The following NXPE1 variants were observed in gnomAD, a reference collection of about 807,000 sequenced individuals.
NXPE1 encodes the protein neurexophilin and PC-esterase domain family member 1.
A neutral mutation model predicts 33.3 loss-of-function variants in NXPE1; 31 were observed. The observed-to-expected ratio is 0.93, with a 90% CI of 0.70 to 1.26. The LOEUF is 1.26. NXPE1 is among the 50% of genes most tolerant of loss of function. NXPE1 has a pLI of 0.00. For missense variants in NXPE1, 661 were observed against 655.6 expected (o/e 1.01, Z -0.09); for synonymous variants, 229 against 231.4 (o/e 0.99, Z 0.09).
At chr11:114,556,431 G>A (rs771325025) in intron 1 of NXPE1, among the ~76,000 whole-genome samples, 25 of 152,090 alleles carry the variant, frequency 1.6e-4, no homozygotes, top group Non-Finnish European at 3.5e-4. Context: ...AGATTTCAGG[G>A]CTTTTTCTTC....
chr11:114,535,062 A>T (rs1236885528), intron 5 of NXPE1, among the ~76,000 whole-genome samples: 1 of 152,242 alleles, frequency 6.6e-6, no homozygotes, highest in African/African-American at 2.4e-5. Flanking sequence ...AGGGAAGCCC[A>T]TCAGACTAAC....
chr11:114,559,539 T>G (rs1948729713), intron 1 of NXPE1, among the ~76,000 whole-genome samples: 1 of 152,180 alleles, frequency 6.6e-6, no homozygotes, highest in African/African-American at 2.4e-5. Flanking sequence ...ATTAGAGAAA[T>G]ATTTTATCTT....
intron 1 of NXPE1, 41 bp downstream of exon 1, chr11:114,559,757 A>T (rs1948735977): frequency 6.6e-6 from 1 of 152,314 alleles, no homozygotes; most frequent in Admixed American, 6.6e-5. Flanking sequence ...TGGCAAGATT[A>T]GAAATAGAGA....
rs189831662 is a variant in NXPE1, at chr11:114,524,283, A to C, written c.896-1192T>G. ...ATGGGTCTAGCCACAACTGGTTTCT[A>C]TTACTAAAGAAGGAGAAGGCAGTGA... is the stretch of plus-strand genomic sequence containing the variant. On this transcript the variant is annotated intron_variant, in intron 7 of 8. Coordinates refer to ENST00000534921, the Ensembl canonical transcript of NXPE1. 1.4e-4 allele frequency among the ~76,000 whole-genome samples: 21 copies of C among 152,246 alleles called. No homozygotes were observed. The East Asian group carries it at 4.1e-3, about 29-fold the overall frequency.
At chr11:114,558,249 GTTTTTC>G (rs1397617943) in intron 1 of NXPE1, among the ~76,000 whole-genome samples, 2 of 151,882 alleles carry the variant, frequency 1.3e-5, no homozygotes, top group East Asian at 1.9e-4. Flanking sequence ...CATTCTATAT[GTTTTTC>G]TTTTTATTTC....
intron 5 of NXPE1, among the ~76,000 whole-genome samples, chr11:114,541,877 G>C (rs1948109935): frequency 2.0e-5 from 3 of 152,118 alleles, no homozygotes; most frequent in Admixed American, 2.0e-4. Context: ...ATGCTAAACT[G>C]CCTCCCTGCT....
intron 7 of NXPE1, among the ~76,000 whole-genome samples, chr11:114,523,631 T>G (rs1947282783): frequency 6.6e-6 from 1 of 152,170 alleles, no homozygotes. Context: ...ACATGCAACA[T>G]CCAATACAAA....
intron 7 of NXPE1, 46 bp downstream of exon 7, chr11:114,527,794 A>G: frequency 7.2e-7 from 1 of 1,394,562 alleles, no homozygotes; most frequent in Non-Finnish European, 9.9e-7. Flanking sequence ...AATGCTGATA[A>G]AAGTTTCCTC....
intron 1 of NXPE1, among the ~76,000 whole-genome samples, chr11:114,558,634 A>G (rs941045954): frequency 4.6e-5 from 7 of 152,194 alleles, no homozygotes; most frequent in Admixed American, 4.6e-4. Flanking sequence ...ACATTCGTAT[A>G]TTTTCTAAAG....
At chr11:114,522,954 T>C in exon 8 of NXPE1, 1 of 1,613,654 alleles carries the variant, frequency 6.2e-7, no homozygotes, top group African/African-American at 1.3e-5. Context: ...AGTTTGCCTT[T>C]CAAACAGCCA....
intron 5 of NXPE1, among the ~76,000 whole-genome samples, chr11:114,550,049 A>T (rs1349273290): frequency 6.6e-6 from 1 of 152,132 alleles, no homozygotes; most frequent in African/African-American, 2.4e-5. Flanking sequence ...CTCACAAAAC[A>T]CTACTGAAGA....
chr11:114,537,534 A>G (rs1947880596), intron 5 of NXPE1, among the ~76,000 whole-genome samples: 1 of 152,198 alleles, frequency 6.6e-6, no homozygotes, highest in Non-Finnish European at 1.5e-5. Flanking sequence ...AGAAAACCCC[A>G]TTGTCTCAGC....
chr11:114,556,619 A>G (rs1175772266), intron 1 of NXPE1, among the ~76,000 whole-genome samples: 2 of 152,012 alleles, frequency 1.3e-5, no homozygotes, highest in East Asian at 1.9e-4. Flanking sequence ...ATGATTCCCT[A>G]CTTTTAAGTG....
At chr11:114,538,368 G>T (rs1454867843) in intron 5 of NXPE1, among the ~76,000 whole-genome samples, 2 of 152,096 alleles carry the variant, frequency 1.3e-5, no homozygotes, top group African/African-American at 4.8e-5. Flanking sequence ...CATAGGCATG[G>T]GCAAGGACTT....
At chr11:114,538,369 G>T (rs1289122942) in intron 5 of NXPE1, among the ~76,000 whole-genome samples, 2 of 152,152 alleles carry the variant, frequency 1.3e-5, no homozygotes. Context: ...ATAGGCATGG[G>T]CAAGGACTTC....
chr11:114,540,439 T>C (rs1024732764), intron 5 of NXPE1, among the ~76,000 whole-genome samples: 1 of 152,208 alleles, frequency 6.6e-6, no homozygotes, highest in Non-Finnish European at 1.5e-5. Context: ...CACTAACTCA[T>C]AACTATATAT....
chr11:114,522,728 A>G, intron 8 of NXPE1, 151 bp downstream of exon 8: 1 of 676,034 alleles, frequency 1.5e-6, no homozygotes, highest in South Asian at 2.0e-5. Flanking sequence ...TTATGAAAGA[A>G]GGAATAAAAT....
In NXPE1 at chr11:114,524,302, G is replaced by A. The variant is rs569698810; in HGVS notation, c.896-1211C>T. On this transcript the variant is annotated intron_variant, in intron 7 of 8. Transcript: ENST00000534921. ...GTTTCTATTACTAAAGAAGGAGAAGGCAGTGAGTATTGGGGAACCATCAGC... is the reference window on the plus strand; with the variant it reads ...GTTTCTATTACTAAAGAAGGAGAAGACAGTGAGTATTGGGGAACCATCAGC... Among the ~76,000 whole-genome samples the A allele has an allele frequency of 5.3e-5, 8 of 152,310 alleles. No individual in the cohort carries two copies. The South Asian group carries it at 1.5e-3, about 28-fold the overall frequency.
chr11:114,550,678 G>T (rs77025809), intron 5 of NXPE1, among the ~76,000 whole-genome samples: 2 of 152,098 alleles, frequency 1.3e-5, no homozygotes, highest in African/African-American at 4.8e-5. Context: ...CTTTCTAACT[G>T]TGACTTAACA....
Sources: allele counts gnomAD v4.1 joint callset (sites outside exome capture counted in the v4.1 genomes callset), GRCh38; gene constraint gnomAD v4.1.1; transcripts MANE v1.5; gene names NCBI Gene and HGNC (gene_info 2026-07-23, HGNC 2026-07-21).